The following CADM2 variants were observed in gnomAD, a reference collection of about 807,000 sequenced individuals.
The protein encoded by CADM2 is immunoglobulin superfamily member 4D.
In CADM2, 12 loss-of-function variants were observed where a neutral mutation model predicts 49.8. That is an observed-to-expected ratio of 0.24 (90% CI 0.15 to 0.39). CADM2 has a LOEUF of 0.39. Ranked by LOEUF, CADM2 falls within the 10% of genes least tolerant of loss-of-function variation. CADM2 has a pLI of 1.00. For synonymous variants in CADM2, 214 were observed against 175.4 expected (o/e 1.22, Z -1.74); for missense variants, 378 against 492.3 (o/e 0.77, Z 2.20).
At chr3:86,040,738 A>G (rs893304012) in intron 8 of CADM2, among the ~76,000 whole-genome samples, 1 of 152,210 alleles carries the variant, frequency 6.6e-6, no homozygotes, top group African/African-American at 2.4e-5. Context: ...AGAACACCAC[A>G]AAGATACTCC....
intron 1 of CADM2, among the ~76,000 whole-genome samples, chr3:85,043,729 C>T (rs2035538228): frequency 6.6e-6 from 1 of 151,948 alleles, no homozygotes. Flanking sequence ...CCATATGTTT[C>T]TCCTTAAGTC....
rs964485614 is a variant in CADM2, at chr3:86,069,837, CTTTTT to C, written c.*3056_*3060del. ...CTAAGCGGCATTTTACTTTTCTTTT[CTTTTT>C]TATTTTCCATTTTTGGGTGTTCTAG... On this transcript the variant is annotated 3_prime_UTR_variant, in exon 10 of 10. Coordinates refer to ENST00000383699, the MANE Select transcript of CADM2 (RefSeq NM_001167675.2). 1 of 151,924 alleles carries C rather than the reference CTTTTT, an allele frequency of 6.6e-6. No individual in the cohort carries two copies. Among genetic ancestry groups the C allele is most frequent in the African/African-American group, 2.4e-5 (1 of 41,408 alleles). 9.4% of individuals were successfully genotyped at this position (151,924 alleles called of 1,614,324 possible).
At chr3:85,722,574 T>TA (rs2067546570) in intron 1 of CADM2, among the ~76,000 whole-genome samples, 1 of 152,230 alleles carries the variant, frequency 6.6e-6, no homozygotes, top group African/African-American at 2.4e-5. Flanking sequence ...ATTTACAAAA[T>TA]GTTTCCTTGA....
At chr3:85,277,201 C>T (rs755908125) in intron 1 of CADM2, among the ~76,000 whole-genome samples, 2 of 151,202 alleles carry the variant, frequency 1.3e-5, no homozygotes. Context: ...TTTATCTGCA[C>T]TATCTCAAAT....
At chr3:85,888,738 T>G (rs1714017777) in intron 5 of CADM2, among the ~76,000 whole-genome samples, 1 of 152,120 alleles carries the variant, frequency 6.6e-6, no homozygotes, top group African/African-American at 2.4e-5. Flanking sequence ...GTAAATACAG[T>G]TAGGTAAAGA....
chr3:85,539,868 A>T (rs1037522037), intron 1 of CADM2, among the ~76,000 whole-genome samples: 1 of 152,126 alleles, frequency 6.6e-6, no homozygotes, highest in Non-Finnish European at 1.5e-5. Flanking sequence ...AATTTTTTAA[A>T]TACAAAGTTT....
chr3:85,655,099 C>T (rs147206972), intron 1 of CADM2, among the ~76,000 whole-genome samples: 2 of 151,684 alleles, frequency 1.3e-5, no homozygotes, highest in South Asian at 2.1e-4. Context: ...TTTTGGCATG[C>T]TTTGCTAAAA....
At chr3:85,098,521 G>A (rs925017411) in intron 1 of CADM2, among the ~76,000 whole-genome samples, 1 of 152,088 alleles carries the variant, frequency 6.6e-6, no homozygotes, top group Non-Finnish European at 1.5e-5. Flanking sequence ...GACTGAATTT[G>A]GATGTAAGGG....
intron 1 of CADM2, among the ~76,000 whole-genome samples, chr3:85,299,181 A>G (rs533910292): frequency 1.3e-5 from 2 of 152,266 alleles, no homozygotes; most frequent in African/African-American, 4.8e-5. Flanking sequence ...TATTAACACA[A>G]CAGAAATTTT....
intron 1 of CADM2, among the ~76,000 whole-genome samples, chr3:85,059,924 G>C (rs1162096508): frequency 1.3e-5 from 2 of 152,060 alleles, no homozygotes; most frequent in Non-Finnish European, 2.9e-5. Flanking sequence ...ATCTAGTCCA[G>C]AAGAAAAAAT....
chr3:85,123,267 C>G (rs1408982511), intron 1 of CADM2, among the ~76,000 whole-genome samples: 1 of 152,114 alleles, frequency 6.6e-6, no homozygotes, highest in Non-Finnish European at 1.5e-5. Flanking sequence ...AAGTAATACT[C>G]TTATGATTTA....
intron 1 of CADM2, among the ~76,000 whole-genome samples, chr3:85,628,512 C>CATAT (rs369987519): frequency 6.5e-4 from 94 of 144,850 alleles, no homozygotes; most frequent in South Asian, 3.8e-3. Flanking sequence ...CTCCCATATA[C>CATAT]ATATATATAT....
At chr3:85,032,105 A>G (rs1576075948) in intron 1 of CADM2, among the ~76,000 whole-genome samples, 2 of 152,242 alleles carry the variant, frequency 1.3e-5, no homozygotes, top group Admixed American at 1.3e-4. Flanking sequence ...CTGGTCATCT[A>G]TATGCCAAAT....
intron 2 of CADM2, among the ~76,000 whole-genome samples, chr3:85,734,653 T>C (rs890365437): frequency 2.0e-5 from 3 of 147,796 alleles, no homozygotes; most frequent in African/African-American, 4.9e-5. Context: ...TTTTCTGCCT[T>C]TTTTCTTTTT....
At chr3:85,117,024 G>A (rs547228489) in intron 1 of CADM2, among the ~76,000 whole-genome samples, 12 of 151,912 alleles carry the variant, frequency 7.9e-5, no homozygotes, top group South Asian at 4.2e-4. Context: ...ATGAAACCCC[G>A]TCTCTACTAA....
In CADM2 at chr3:85,431,231, G is replaced by T. The variant is rs1216722760; in HGVS notation, c.62-295291G>T. Among the ~76,000 whole-genome samples, 5 of 152,230 alleles carry T rather than the reference G, an allele frequency of 3.3e-5. No homozygotes were observed. The East Asian group carries it at 7.7e-4, about 24-fold the overall frequency. ...GTAAGGGCATATTATCTAGTTTTAT[G>T]TAAGAACACTGTAGGATGTTTGCAC... On this transcript the variant is annotated intron_variant, in intron 1 of 9. Coordinates refer to ENST00000383699, the MANE Select transcript of CADM2 (RefSeq NM_001167675.2).
At chr3:85,021,626 T>C (rs1368788492) in intron 1 of CADM2, among the ~76,000 whole-genome samples, 1 of 151,870 alleles carries the variant, frequency 6.6e-6, no homozygotes, top group African/African-American at 2.4e-5. Flanking sequence ...AATACAAAAA[T>C]TAGCCAGGCG....
At chr3:85,908,007 A>C (rs1251497590) in intron 5 of CADM2, among the ~76,000 whole-genome samples, 1 of 152,108 alleles carries the variant, frequency 6.6e-6, no homozygotes, top group African/African-American at 2.4e-5. Flanking sequence ...AATAGTTGAG[A>C]TTATACTGCT....
At chr3:84,972,593 TA>T (rs1441297834) in intron 1 of CADM2, among the ~76,000 whole-genome samples, 8 of 152,222 alleles carry the variant, frequency 5.3e-5, no homozygotes, top group Admixed American at 1.3e-4. Flanking sequence ...TCATTTTTAT[TA>T]TTAGGAAGTG....
Sources: gnomAD v4.1 joint callset for allele counts (sites outside exome capture counted in the v4.1 genomes callset) on GRCh38, gnomAD v4.1.1 for gene constraint, MANE v1.5 for transcripts, NCBI Gene and HGNC (gene_info 2026-07-23, HGNC 2026-07-21) for gene names.